ABCA1: variants seen among roughly 807,000 people sequenced by gnomAD.
The protein encoded by ABCA1 is ATP binding cassette subfamily A member 1.
A neutral mutation model predicts 262.5 loss-of-function variants in ABCA1; 133 were observed. The observed-to-expected ratio is 0.51, with a 90% CI of 0.44 to 0.59. The LOEUF (loss-of-function observed/expected upper bound fraction) is 0.59, where lower values mean the gene tolerates loss of function less well. Among genes scored for constraint, ABCA1 ranks in the 20% least tolerant of loss-of-function variants. ABCA1 has a pLI of 0.00. For synonymous variants in ABCA1, 1,022 were observed against 1,043.5 expected, an observed-to-expected ratio of 0.98 and a Z score of 0.40; for missense variants, 2,452 against 2,777.5, an observed-to-expected ratio of 0.88 and a Z score of 2.63.
Position 104,788,477 on chromosome 9 carries a change from G to A in ABCA1, c.6018C>T (p.His2006=), listed in dbSNP as rs367815303. The A allele has an allele frequency of 1.2e-4, 196 of 1,614,168 alleles. No homozygotes were observed. The highest frequency in any genetic ancestry group is 5.5e-4 in the African/African-American group (41 of 75,052). Residue 2006 remains histidine, a synonymous_variant, in exon 45 of 50, where the codon CAC becomes CAT. Coordinates refer to ENST00000374736, the MANE Select transcript of ABCA1 (RefSeq NM_005502.4). ...AITELLTGRE[H]VEFFALLRGV... The stretch of plus-strand genomic sequence containing the variant: ...CTCTCAAAAGGGCAAAGAACTCCAC[G>A]TGTTCTCTCCCAGTCAACAGCTCTG...
At position 104,833,221 on chromosome 9, in the gene ABCA1, G is replaced by A. The variant is rs528013926; in HGVS notation, c.1312-450C>T. The stretch of plus-strand genomic sequence containing the variant: ...TTTGGATTCAGTGTCTCGCTCTGCC[G>A]CCCGGGCTGGAGTGCAGTGATGGAA... On this transcript the variant is annotated intron_variant, in intron 11 of 49. Transcript: ENST00000374736. Among the ~76,000 whole-genome samples the A allele has an allele frequency of 4.6e-5, 7 of 152,166 alleles. No individual in the cohort carries two copies. In the South Asian group the frequency reaches 6.2e-4, roughly 14 times the overall value.
intron 2 of ABCA1, among the ~76,000 whole-genome samples, chr9:104,893,177 C>G (rs772637196): frequency 6.6e-6 from 1 of 152,152 alleles, no homozygotes; most frequent in East Asian, 1.9e-4. Flanking sequence ...AATCCCAGCA[C>G]TTTGGGAGGC....
chr9:104,828,251 C>T (rs964894466), intron 15 of ABCA1, among the ~76,000 whole-genome samples: 2 of 152,180 alleles, frequency 1.3e-5, no homozygotes, highest in African/African-American at 4.8e-5. Flanking sequence ...GGGCAGCCCA[C>T]ATCCAGTGAT....
At chr9:104,794,265 TG>T in intron 40 of ABCA1, 121 bp downstream of exon 40, 2 of 1,466,912 alleles carry the variant, frequency 1.4e-6, no homozygotes, top group Non-Finnish European at 1.9e-6. Flanking sequence ...TCACTGGGCA[TG>T]GGGGTGGGGG....
chr9:104,804,503 T>G, intron 32 of ABCA1, 123 bp downstream of exon 32: 1 of 834,932 alleles, frequency 1.2e-6, no homozygotes, highest in South Asian at 1.3e-5. Flanking sequence ...ATCCTAAACT[T>G]CCAATAGACA....
intron 2 of ABCA1, among the ~76,000 whole-genome samples, chr9:104,899,280 C>G (rs2777786): frequency 0.49 from 73,745 of 152,004 alleles, 20,278 homozygotes; most frequent in African/African-American, 0.76. Flanking sequence ...TCAGGTGAAA[C>G]TAGAAGTGGG....
intron 3 of ABCA1, among the ~76,000 whole-genome samples, chr9:104,884,956 C>A (rs1348980258): frequency 6.6e-6 from 1 of 152,220 alleles, no homozygotes; most frequent in Non-Finnish European, 1.5e-5. Context: ...ATGAAGTGGG[C>A]TGGGCACAGT....
intron 5 of ABCA1, among the ~76,000 whole-genome samples, chr9:104,876,634 GT>G (rs1160464133): frequency 1.3e-5 from 2 of 152,334 alleles, no homozygotes; most frequent in African/African-American, 4.8e-5. Context: ...GAAATACACA[GT>G]AAAAATAAGA....
Position 104,784,283 on chromosome 9 carries a change from T to C in ABCA1, c.*32A>G, listed in dbSNP as rs557180532. On this transcript the variant is annotated 3_prime_UTR_variant, in exon 50 of 50. Transcript: ENST00000374736. ...TGCAAAGGAAAGTCTAGTTCCTCTTTACTTTCAGCCACCCCGTATGAACAG... is the reference window on the plus strand; with the variant it reads ...TGCAAAGGAAAGTCTAGTTCCTCTTCACTTTCAGCCACCCCGTATGAACAG... 6 of 1,613,682 alleles carry C rather than the reference T, an allele frequency of 3.7e-6. No individual in the cohort carries two copies. In the African/African-American group the frequency reaches 8.0e-5, roughly 22 times the overall value.
At position 104,825,788 on chromosome 9, in the gene ABCA1, G is replaced by C. The variant is rs1832763380; in HGVS notation, c.2437C>G (p.Pro813Ala). The C allele has an allele frequency of 3.7e-6, 6 of 1,614,176 alleles. No homozygotes were observed. The highest frequency in any genetic ancestry group is 5.1e-6 in the Non-Finnish European group (6 of 1,180,034). Reference sequence around the variant, plus strand: ...AGATTGAAGCCATCTTCCTCCACAGGACTCTCAAACAGGTTGTCCCACTGC... The same window carrying C: ...AGATTGAAGCCATCTTCCTCCACAGCACTCTCAAACAGGTTGTCCCACTGC... ...GVQWDNLFES[P>A]VEEDGFNLTT... Residue 813 changes from proline (P) to alanine (A), a missense_variant, in exon 17 of 50, where the codon CCT (proline) becomes GCT (alanine). By Grantham distance (27) the Pro-to-Ala change is conservative. Transcript: ENST00000374736.
intron 5 of ABCA1, among the ~76,000 whole-genome samples, chr9:104,864,923 C>T (rs992676178): frequency 5.9e-5 from 9 of 152,182 alleles, no homozygotes; most frequent in Non-Finnish European, 1.2e-4. Flanking sequence ...GTGAATCCCC[C>T]GGATGAGACA....
At chr9:104,907,428 C>A (rs1470688563) in intron 1 of ABCA1, among the ~76,000 whole-genome samples, 1 of 152,222 alleles carries the variant, frequency 6.6e-6, no homozygotes, top group African/African-American at 2.4e-5. Flanking sequence ...CTGTTTCCTT[C>A]ATCCCTGTTT....
In ABCA1 at chr9:104,798,483, G is replaced by C; in HGVS notation, c.5059C>G (p.Leu1687Val). Residue 1687 changes from leucine (L) to valine (V), a missense_variant, in exon 37 of 50, where the codon CTG becomes GTG. Leu to Val is a conservative substitution (Grantham distance 32, BLOSUM62 1). This residue lies in a region of ABCA1 where 752 missense variants were observed against 944.5 expected (regional missense o/e 0.80). Transcript: ENST00000374736. ...GGCTTCACTCCACTGATGAACTGCA[G>C]GTGTTTTGCTTTGCTGACCCGCTCC... ...IQERVSKAKH[L>V]QFISGVKPVI... 1 of 1,614,190 alleles carries C rather than the reference G, an allele frequency of 6.2e-7. No individual in the cohort carries two copies. Among genetic ancestry groups the C allele is most frequent in the Non-Finnish European group, 8.5e-7 (1 of 1,180,022 alleles).
At chr9:104,893,421 CAAAAAAAAAAAAAAAAAAAA>C (rs34544647) in intron 2 of ABCA1, among the ~76,000 whole-genome samples, 2,844 of 35,628 alleles carry the variant, frequency 0.08, 195 homozygotes, top group African/African-American at 0.24. Context: ...GACTTCACCT[CAAAAAAAAAAAAAAAAAAAA>C]AAAAAAAAAA....
chr9:104,808,885 C>A (rs1423116331), intron 30 of ABCA1, among the ~76,000 whole-genome samples: 3 of 152,110 alleles, frequency 2.0e-5, no homozygotes, highest in Non-Finnish European at 2.9e-5. Context: ...CATCTTCACT[C>A]ACAGTGATCT....
At chr9:104,794,565 G>A (rs1829725672) in intron 39 of ABCA1, 55 bp from the exon 40 acceptor site, 2 of 1,580,434 alleles carry the variant, frequency 1.3e-6, no homozygotes, top group Admixed American at 1.7e-5. Flanking sequence ...GAAGAAACGG[G>A]TGTCATTCAT....
intron 5 of ABCA1, among the ~76,000 whole-genome samples, chr9:104,862,637 G>GC (rs1554729290): frequency 5.8e-4 from 1 of 1,716 alleles, no homozygotes; most frequent in African/African-American, 2.5e-3. Flanking sequence ...AGACTGCCGG[G>GC]CCGGGCCGGG....
At chr9:104,832,172 C>T (rs1833397980) in intron 12 of ABCA1, among the ~76,000 whole-genome samples, 1 of 152,154 alleles carries the variant, frequency 6.6e-6, no homozygotes, top group Admixed American at 6.5e-5. Context: ...TTACCCATCC[C>T]TACTAATATA....
In ABCA1 at chr9:104,817,235, G is replaced by T; in HGVS notation, c.3535+97C>A. ...CAGCCCAGCAGCAAACCTTGAGTCA[G>T]CGCCACCAGCCTCTGCACCTCTCCT... On this transcript the variant is annotated intron_variant, in intron 24 of 49. Transcript: ENST00000374736. The surrounding 1 kb of genome is among the most constrained non-coding windows in gnomAD (Gnocchi z 4.7). 6.2e-7 allele frequency: 1 copy of T among 1,605,328 alleles called. No individual in the cohort carries two copies. Among genetic ancestry groups the T allele is most frequent in the Non-Finnish European group, 8.5e-7 (1 of 1,176,928 alleles).
Sources: allele counts gnomAD v4.1 joint callset (sites outside exome capture counted in the v4.1 genomes callset), GRCh38; gene constraint gnomAD v4.1.1; regional missense constraint gnomAD v4.1.1; non-coding constraint Gnocchi (gnomAD v3.1); transcripts MANE v1.5; gene names NCBI Gene and HGNC (gene_info 2026-07-23, HGNC 2026-07-21).